IL1RAPL2: variants seen among roughly 807,000 people sequenced by gnomAD.
IL1RAPL2 encodes the protein X-linked interleukin-1 receptor accessory protein-like 2.
Under a neutral mutation model 44.1 loss-of-function variants are expected in IL1RAPL2, and 3 were observed. The observed-to-expected ratio is 0.07, with a 90% confidence interval of 0.03 to 0.18. The LOEUF (loss-of-function observed/expected upper bound fraction) is 0.18. IL1RAPL2 is among the 10% of genes least tolerant of loss of function. The probability of loss-of-function intolerance (pLI) is 1.00; values close to 1 mark genes in which losing one functional copy is unlikely to be tolerated. For missense variants in IL1RAPL2, 391 were observed against 496.4 expected, an observed-to-expected ratio of 0.79 and a Z score of 2.02; for synonymous variants, 181 against 178.8, an observed-to-expected ratio of 1.01 and a Z score of -0.10.
rs184998363 is a variant in IL1RAPL2 at position 104,594,457 on chromosome X, G to A, written c.-20+27406G>A. 6.3e-5 allele frequency among the ~76,000 whole-genome samples: 7 copies of A among 111,173 alleles called. No homozygotes were observed. In the South Asian group the frequency reaches 1.5e-3, roughly 24 times the overall value. On this transcript the variant is annotated intron_variant, in intron 1 of 10. Transcript: ENST00000372582. ...ATTGTCTGTCAATCAGCTTCTGGGGGTGCTATGCTCTCTTAGTTGTTCAGA... is the reference window on the plus strand; with the variant it reads ...ATTGTCTGTCAATCAGCTTCTGGGGATGCTATGCTCTCTTAGTTGTTCAGA...
intron 2 of IL1RAPL2, among the ~76,000 whole-genome samples, chrX:104,904,401 A>C (rs1172312843): frequency 9.5e-6 from 1 of 105,105 alleles, no homozygotes; most frequent in Non-Finnish European, 2.0e-5. Flanking sequence ...CGCTGCACCC[A>C]CTAACTTGTC....
intron 2 of IL1RAPL2, among the ~76,000 whole-genome samples, chrX:104,809,354 G>A (rs1932952875): frequency 9.0e-6 from 1 of 111,569 alleles, no homozygotes; most frequent in Non-Finnish European, 1.9e-5. Flanking sequence ...CAGTGTAAAA[G>A]TGTTCCTATT....
chrX:105,381,749 C>T (rs2035432102), intron 5 of IL1RAPL2, among the ~76,000 whole-genome samples: 1 of 111,635 alleles, frequency 9.0e-6, no homozygotes, highest in African/African-American at 3.3e-5. Context: ...GTATTGGGAA[C>T]ATTCCAAATC....
intron 2 of IL1RAPL2, among the ~76,000 whole-genome samples, chrX:104,761,364 C>A (rs1932423817): frequency 9.0e-6 from 1 of 110,687 alleles, no homozygotes; most frequent in Non-Finnish European, 1.9e-5. Flanking sequence ...ACAAGAACAG[C>A]AGCATGGGGG....
At chrX:105,013,835 G>A (rs1569361153) in intron 2 of IL1RAPL2, among the ~76,000 whole-genome samples, 1 of 111,567 alleles carries the variant, frequency 9.0e-6, no homozygotes, top group African/African-American at 3.3e-5. Flanking sequence ...GTGTTTTATA[G>A]CATATAATCA....
At chrX:105,607,554 T>A (rs772310886) in intron 6 of IL1RAPL2, among the ~76,000 whole-genome samples, 3 of 104,702 alleles carry the variant, frequency 2.9e-5, no homozygotes, top group Non-Finnish European at 5.9e-5. Context: ...TATGTTAGTT[T>A]TGCTTATGAG....
chrX:105,030,775 T>G (rs962662901), intron 2 of IL1RAPL2, among the ~76,000 whole-genome samples: 3 of 112,096 alleles, frequency 2.7e-5, no homozygotes, highest in African/African-American at 9.7e-5. Context: ...TCCAATTCTG[T>G]GAAGAAAGTC....
chrX:105,037,921 C>T lies in IL1RAPL2; in HGVS notation c.83-157554C>T, dbSNP rs575606103. Among the ~76,000 whole-genome samples the T allele has an allele frequency of 3.6e-5, 4 of 111,785 alleles. No individual in the cohort carries two copies. In the South Asian group the frequency reaches 1.5e-3, roughly 42 times the overall value. ...CAACTAGAGGAGGAGTAGGAGGGGA[C>T]ACTCATTCCAAAGTGTCCAATTAAG... On this transcript the variant is annotated intron_variant, in intron 2 of 10. Coordinates refer to ENST00000372582, the MANE Select transcript of IL1RAPL2 (RefSeq NM_017416.2).
intron 2 of IL1RAPL2, among the ~76,000 whole-genome samples, chrX:104,802,397 C>A (rs1487626532): frequency 9.2e-6 from 1 of 108,819 alleles, no homozygotes; most frequent in African/African-American, 3.3e-5. Flanking sequence ...GAAAATCAGT[C>A]CACTTTCAAA....
intron 6 of IL1RAPL2, among the ~76,000 whole-genome samples, chrX:105,635,352 G>A (rs1383385610): frequency 9.0e-6 from 1 of 111,682 alleles, no homozygotes; most frequent in Admixed American, 9.5e-5. Flanking sequence ...ACACTGATGG[G>A]GTAGGAAGAG....
chrX:105,670,822 GTACTT>G (rs906672537), intron 6 of IL1RAPL2, among the ~76,000 whole-genome samples: 2 of 107,734 alleles, frequency 1.9e-5, no homozygotes, highest in African/African-American at 6.8e-5. Flanking sequence ...TTACACCTAA[GTACTT>G]TATTTTTTCA....
intron 2 of IL1RAPL2, among the ~76,000 whole-genome samples, chrX:104,913,626 A>G (rs915098874): frequency 7.2e-5 from 8 of 111,670 alleles, no homozygotes. Context: ...AATCCTACAA[A>G]CCCAATTAAA....
intron 2 of IL1RAPL2, among the ~76,000 whole-genome samples, chrX:104,689,592 G>A (rs1394614464): frequency 8.9e-6 from 1 of 111,832 alleles, no homozygotes; most frequent in African/African-American, 3.3e-5. Context: ...ACATCCAAGG[G>A]CCACAGCACT....
intron 6 of IL1RAPL2, among the ~76,000 whole-genome samples, chrX:105,499,373 C>CA (rs2036377344): frequency 9.1e-6 from 1 of 109,747 alleles, no homozygotes; most frequent in African/African-American, 3.3e-5. Context: ...GCAACAGAAG[C>CA]AAAAAATAGA....
chrX:105,367,867 C>T (rs1484949292), intron 5 of IL1RAPL2, among the ~76,000 whole-genome samples: 1 of 111,301 alleles, frequency 9.0e-6, no homozygotes, highest in Non-Finnish European at 1.9e-5. Context: ...CATGTTGCTA[C>T]TTAGCAACAT....
At chrX:104,889,782 T>C (rs1192793923) in intron 2 of IL1RAPL2, among the ~76,000 whole-genome samples, 2 of 101,172 alleles carry the variant, frequency 2.0e-5, no homozygotes, top group Admixed American at 2.2e-4. Context: ...AAATCTATCT[T>C]TATTTTACAA....
chrX:105,592,597 T>C (rs929102326), intron 6 of IL1RAPL2, among the ~76,000 whole-genome samples: 1 of 111,986 alleles, frequency 8.9e-6, no homozygotes, highest in African/African-American at 3.2e-5. Context: ...TAGCACTCCC[T>C]TAAAGATCTC....
intron 2 of IL1RAPL2, among the ~76,000 whole-genome samples, chrX:104,710,778 A>T (rs1188097632): frequency 1.8e-5 from 2 of 111,420 alleles, no homozygotes; most frequent in Non-Finnish European, 3.8e-5. Context: ...CCATAATAGC[A>T]CAATGCATTC....
At chrX:104,904,050 G>A (rs1365946015) in intron 2 of IL1RAPL2, among the ~76,000 whole-genome samples, 2 of 110,583 alleles carry the variant, frequency 1.8e-5, no homozygotes, top group Non-Finnish European at 3.8e-5. Context: ...GAAGATTTTT[G>A]GGTCAGAAGA....
Sources: allele counts gnomAD v4.1 joint callset (sites outside exome capture counted in the v4.1 genomes callset), GRCh38; gene constraint gnomAD v4.1.1; transcripts MANE v1.5; gene names NCBI Gene and HGNC (gene_info 2026-07-23, HGNC 2026-07-21).